Variants in TRIP12 observed in about 807,000 individuals in gnomAD.
TRIP12 encodes the protein E3 ubiquitin-protein ligase TRIP12.
A neutral mutation model predicts 244.2 loss-of-function variants in TRIP12; 25 were observed. The ratio of observed to expected loss-of-function variants is 0.10; its 90% CI spans 0.07 to 0.14. The LOEUF (loss-of-function observed/expected upper bound fraction) is 0.14. Ranked by LOEUF, TRIP12 falls within the 10% of genes least tolerant of loss-of-function variation. The pLI is 1.00. For missense variants in TRIP12, 1,677 were observed against 2,486.4 expected (o/e 0.67, Z 6.92); for synonymous variants, 905 against 873.1 (o/e 1.04, Z -0.64).
At chr2:229,883,238 A>G (rs1355161696) in intron 1 of TRIP12, among the ~76,000 whole-genome samples, 1 of 152,104 alleles carries the variant, frequency 6.6e-6, no homozygotes, top group African/African-American at 2.4e-5. Flanking sequence ...CACACTTCAT[A>G]GGTATCACCA....
At chr2:229,812,153 G>C (rs1018624827) in intron 13 of TRIP12, among the ~76,000 whole-genome samples, 1 of 152,060 alleles carries the variant, frequency 6.6e-6, no homozygotes, top group Non-Finnish European at 1.5e-5. Context: ...GCAATGGCAC[G>C]ATCTCAGCTC....
chr2:229,920,654 C>A lies in TRIP12; in HGVS notation c.-50+1226G>T, dbSNP rs990434035. ...TTGGAAGCTGCCCCTTCCGTTATCTCCTCACCACGTAAGGTAACCAATTCC... is the reference window on the plus strand; with the variant it reads ...TTGGAAGCTGCCCCTTCCGTTATCTACTCACCACGTAAGGTAACCAATTCC... On this transcript the variant is annotated intron_variant, in intron 1 of 41. Transcript: ENST00000675903. 3.3e-5 allele frequency among the ~76,000 whole-genome samples: 5 copies of A among 152,214 alleles called. No individual in the cohort carries two copies. The East Asian group carries it at 9.6e-4, about 29-fold the overall frequency.
At chr2:229,901,323 C>T (rs1178326908) in intron 1 of TRIP12, among the ~76,000 whole-genome samples, 2 of 151,800 alleles carry the variant, frequency 1.3e-5, no homozygotes, top group African/African-American at 4.8e-5. Context: ...TTTGGCCAGG[C>T]GCAGTGGCTC....
intron 1 of TRIP12, among the ~76,000 whole-genome samples, chr2:229,881,026 T>C (rs1041536582): frequency 6.6e-6 from 1 of 152,146 alleles, no homozygotes; most frequent in East Asian, 1.9e-4. Flanking sequence ...ATAGAGTAAA[T>C]TGAGCAATGG....
intron 1 of TRIP12, among the ~76,000 whole-genome samples, chr2:229,902,731 T>A (rs554742540): frequency 6.6e-6 from 1 of 152,218 alleles, no homozygotes; most frequent in South Asian, 2.1e-4. Context: ...TTCAGACTGC[T>A]AAAGAATCTA....
chr2:229,907,453 C>T (rs1336000647), intron 1 of TRIP12, among the ~76,000 whole-genome samples: 1 of 152,158 alleles, frequency 6.6e-6, no homozygotes, highest in African/African-American at 2.4e-5. Flanking sequence ...AAGATAGTAT[C>T]AGAAAAATCC....
chr2:229,858,737 T>G (rs1205187611), intron 4 of TRIP12, 35 bp downstream of exon 4: 2 of 1,522,770 alleles, frequency 1.3e-6, no homozygotes, highest in Non-Finnish European at 1.8e-6. Context: ...AGAAACTTTC[T>G]TTAATTAAAG....
At chr2:229,845,438 A>G (rs1026610692) in intron 4 of TRIP12, among the ~76,000 whole-genome samples, 2 of 152,220 alleles carry the variant, frequency 1.3e-5, no homozygotes, top group Non-Finnish European at 2.9e-5. Context: ...TAAATGAAGA[A>G]GAATATGTGG....
At chr2:229,790,494 AGT>A (rs2041188952) in intron 30 of TRIP12, among the ~76,000 whole-genome samples, 1 of 126,356 alleles carries the variant, frequency 7.9e-6, no homozygotes, top group Admixed American at 9.0e-5. Context: ...CAGGGAAACC[AGT>A]GTGAAAATTA....
chr2:229,831,703 CT>C (rs995571431), intron 6 of TRIP12, among the ~76,000 whole-genome samples: 1 of 152,100 alleles, frequency 6.6e-6, no homozygotes, highest in Admixed American at 6.5e-5. Context: ...AGAGTTAAGA[CT>C]CAGGATACTA....
chr2:229,876,757 C>T (rs986365542), intron 2 of TRIP12, among the ~76,000 whole-genome samples: 4 of 152,148 alleles, frequency 2.6e-5, no homozygotes, highest in African/African-American at 7.2e-5. Flanking sequence ...TTGAACTCCT[C>T]GGCTCAAGCG....
chr2:229,864,564 A>C (rs1398144603), intron 2 of TRIP12, among the ~76,000 whole-genome samples: 1 of 150,502 alleles, frequency 6.6e-6, no homozygotes, highest in Non-Finnish European at 1.5e-5. Context: ...CCAGATTTTC[A>C]ACTTTTTTTT....
chr2:229,814,045 A>C lies in TRIP12; in HGVS notation c.1825-14T>G. ...TGCCAAACCACCCTAAAATATAGAA[A>C]ACTGTTAAGGTAAAGAAAAATCCTT... On this transcript the variant is annotated splice_polypyrimidine_tract_variant and intron_variant, in intron 12 of 41. Coordinates refer to ENST00000675903, the MANE Select transcript of TRIP12 (RefSeq NM_001348323.3). 1 of 1,565,150 alleles carries C rather than the reference A, an allele frequency of 6.4e-7. No individual in the cohort carries two copies. Among genetic ancestry groups the C allele is most frequent in the Non-Finnish European group, 8.7e-7 (1 of 1,145,350 alleles).
chr2:229,795,470 G>A lies in TRIP12; in HGVS notation c.3817-140C>T. The A allele has an allele frequency of 6.0e-6, 6 of 995,870 alleles. No individual in the cohort carries two copies. In the South Asian group the frequency reaches 9.0e-5, roughly 15 times the overall value. 61.7% of individuals were successfully genotyped at this position (995,870 alleles called of 1,614,324 possible). A position where few individuals can be genotyped will look rare whatever the true frequency, so the allele number is the denominator to read the frequency against. ...TTATCTTTTATGGCAGATTTGGTTT[G>A]AACGATGTTACCACGTCAATTATTT... On this transcript the variant is annotated intron_variant, in intron 25 of 41. Transcript: ENST00000675903.
intron 34 of TRIP12, among the ~76,000 whole-genome samples, chr2:229,779,530 C>A (rs2037398889): frequency 6.6e-6 from 1 of 152,200 alleles, no homozygotes; most frequent in Admixed American, 6.5e-5. Context: ...ATCCTGTTAT[C>A]TCTGATAGTA....
At chr2:229,850,999 C>T (rs970461784) in intron 4 of TRIP12, among the ~76,000 whole-genome samples, 9 of 152,356 alleles carry the variant, frequency 5.9e-5, no homozygotes, top group Admixed American at 5.2e-4. Flanking sequence ...GAGCCTTCCC[C>T]CACCTCCGTG....
intron 2 of TRIP12, among the ~76,000 whole-genome samples, chr2:229,879,407 A>AC: frequency 6.6e-6 from 1 of 152,332 alleles, no homozygotes; most frequent in African/African-American, 2.4e-5. Context: ...ACATTCAAGA[A>AC]AACACATCTG....
chr2:229,772,663 G>A (rs755728000), intron 38 of TRIP12, among the ~76,000 whole-genome samples: 4 of 151,816 alleles, frequency 2.6e-5, no homozygotes, highest in Non-Finnish European at 4.4e-5. Context: ...GGGGTTTCAC[G>A]ATGTTTGTCA....
intron 34 of TRIP12, among the ~76,000 whole-genome samples, chr2:229,783,864 A>G (rs2039124820): frequency 6.6e-6 from 1 of 151,388 alleles, no homozygotes; most frequent in African/African-American, 2.4e-5. Context: ...TAATCCCAGC[A>G]CTTTGGGGGG....
Sources: gnomAD v4.1 joint callset for allele counts (sites outside exome capture counted in the v4.1 genomes callset) on GRCh38, gnomAD v4.1.1 for gene constraint, MANE v1.5 for transcripts, NCBI Gene and HGNC (gene_info 2026-07-23, HGNC 2026-07-21) for gene names.